The following THSD7B variants were observed in gnomAD, a reference collection of about 807,000 sequenced individuals.
THSD7B encodes thrombospondin type-1 domain-containing protein 7B.
In THSD7B, 138 loss-of-function variants were observed where a neutral mutation model predicts 213.6. That is an observed-to-expected ratio of 0.65 (90% CI 0.56 to 0.74). The LOEUF (loss-of-function observed/expected upper bound fraction) is 0.74, where lower values mean the gene tolerates loss of function less well. THSD7B is among the 30% of genes least tolerant of loss of function. The pLI, the probability that THSD7B is intolerant of heterozygous loss-of-function variation, is 0.00. For missense variants in THSD7B, 1,931 were observed against 1,991.5 expected, an observed-to-expected ratio of 0.97 and a Z score of 0.58; for synonymous variants, 742 against 687.0, an observed-to-expected ratio of 1.08 and a Z score of -1.25.
At position 137,315,725 on chromosome 2, in the gene THSD7B, G is replaced by A. The variant is rs181213995; in HGVS notation, c.2500+39699G>A. On this transcript the variant is annotated intron_variant, in intron 12 of 27. Coordinates refer to ENST00000409968, the MANE Select transcript of THSD7B (RefSeq NM_001316349.2). ...GTGTTTAGATGGAATATATTTAGGA[G>A]GGGAATTGCAGTAGAGATAGAGTGT... Among the ~76,000 whole-genome samples, 528 of 152,280 alleles carry A rather than the reference G, an allele frequency of 3.5e-3. 4 individuals are homozygous for A. Among genetic ancestry groups the A allele is most frequent in the African/African-American group, 0.012 (504 of 41,548 alleles).
At chr2:137,577,925 T>C (rs888135998) in intron 17 of THSD7B, among the ~76,000 whole-genome samples, 1 of 152,144 alleles carries the variant, frequency 6.6e-6, no homozygotes, top group African/African-American at 2.4e-5. Flanking sequence ...TTCAAGAGAA[T>C]TGGAGAGAGA....
chr2:136,978,996 T>C (rs187261035), intron 2 of THSD7B, among the ~76,000 whole-genome samples: 2 of 152,132 alleles, frequency 1.3e-5, no homozygotes, highest in African/African-American at 4.8e-5. Flanking sequence ...TGGTGATGAA[T>C]TCCCTTAGCA....
intron 5 of THSD7B, among the ~76,000 whole-genome samples, chr2:137,140,423 C>T (rs1679557883): frequency 6.6e-6 from 1 of 152,074 alleles, no homozygotes; most frequent in Admixed American, 6.6e-5. Context: ...GTTCAAATGT[C>T]AATATTTTAC....
intron 12 of THSD7B, among the ~76,000 whole-genome samples, chr2:137,322,555 C>A (rs1684284500): frequency 6.6e-6 from 1 of 152,172 alleles, no homozygotes; most frequent in African/African-American, 2.4e-5. Flanking sequence ...TCACCAAGCT[C>A]ATCTATCAAG....
At chr2:137,507,873 TACCCC>T (rs1679872626) in intron 15 of THSD7B, among the ~76,000 whole-genome samples, 3 of 152,182 alleles carry the variant, frequency 2.0e-5, no homozygotes, top group Admixed American at 6.5e-5. Flanking sequence ...CTAAAATAAT[TACCCC>T]AGTCAACAAA....
At chr2:137,034,800 T>C (rs1258534625) in intron 2 of THSD7B, among the ~76,000 whole-genome samples, 1 of 152,252 alleles carries the variant, frequency 6.6e-6, no homozygotes, top group Non-Finnish European at 1.5e-5. Context: ...TAGTATTCCA[T>C]GGTGTATATG....
At chr2:136,938,783 G>A (rs1459988209) in intron 2 of THSD7B, among the ~76,000 whole-genome samples, 1 of 152,134 alleles carries the variant, frequency 6.6e-6, no homozygotes, top group Non-Finnish European at 1.5e-5. Context: ...AATGGATGAT[G>A]CCCCCATTGT....
chr2:136,821,035 A>C (rs1031236510), intron 1 of THSD7B, among the ~76,000 whole-genome samples: 1 of 152,224 alleles, frequency 6.6e-6, no homozygotes, highest in Admixed American at 6.5e-5. Context: ...GAACCGTATA[A>C]AATTACTAAT....
At chr2:136,917,344 AATAGC>A (rs966823542) in intron 2 of THSD7B, among the ~76,000 whole-genome samples, 9 of 152,166 alleles carry the variant, frequency 5.9e-5, no homozygotes, top group African/African-American at 2.2e-4. Context: ...TAGCTTACAA[AATAGC>A]AGATTTTATT....
chr2:137,489,085 T>C (rs1688543245), intron 15 of THSD7B, among the ~76,000 whole-genome samples: 1 of 152,182 alleles, frequency 6.6e-6, no homozygotes, highest in Non-Finnish European at 1.5e-5. Context: ...TGCTAACAAA[T>C]AGAAATGACA....
At chr2:137,601,364 T>A (rs1049526099) in intron 17 of THSD7B, among the ~76,000 whole-genome samples, 13 of 152,234 alleles carry the variant, frequency 8.5e-5, no homozygotes, top group African/African-American at 2.7e-4. Context: ...ATTTTTTAAA[T>A]CTTTTATACC....
At chr2:137,139,059 C>G (rs989231551) in intron 5 of THSD7B, among the ~76,000 whole-genome samples, 1 of 152,122 alleles carries the variant, frequency 6.6e-6, no homozygotes, top group Admixed American at 6.6e-5. Flanking sequence ...ACTCAACATT[C>G]TGTTCTCCAG....
chr2:137,653,515 T>A (rs1044901155), intron 21 of THSD7B, among the ~76,000 whole-genome samples: 4 of 151,706 alleles, frequency 2.6e-5, no homozygotes, highest in South Asian at 2.1e-4. Flanking sequence ...GAATATGTTT[T>A]CGACGCTTTG....
intron 1 of THSD7B, among the ~76,000 whole-genome samples, chr2:136,794,492 G>T (rs1051814804): frequency 6.6e-6 from 1 of 151,516 alleles, no homozygotes; most frequent in Non-Finnish European, 1.5e-5. Context: ...TCAAAAAGTT[G>T]GTGGATTTTT....
intron 15 of THSD7B, among the ~76,000 whole-genome samples, chr2:137,534,748 CA>C (rs1339331021): frequency 6.6e-6 from 1 of 151,576 alleles, no homozygotes; most frequent in Non-Finnish European, 1.5e-5. Context: ...CTGAGTTTCT[CA>C]AAAAAGAAGC....
intron 3 of THSD7B, among the ~76,000 whole-genome samples, chr2:137,066,667 A>G (rs1193149905): frequency 6.6e-6 from 1 of 151,964 alleles, no homozygotes; most frequent in South Asian, 2.1e-4. Context: ...GTATGCTTGG[A>G]CGTGGATATT....
chr2:137,667,026 A>T (rs1380162156), intron 26 of THSD7B, among the ~76,000 whole-genome samples: 2 of 152,114 alleles, frequency 1.3e-5, no homozygotes, highest in Non-Finnish European at 2.9e-5. Flanking sequence ...TTGGAAGTAG[A>T]GCCACTAAAA....
chr2:137,188,328 CCTT>C (rs1312516636), intron 7 of THSD7B, among the ~76,000 whole-genome samples: 7 of 152,154 alleles, frequency 4.6e-5, no homozygotes, highest in African/African-American at 1.7e-4. Flanking sequence ...ACCAGTGCCA[CCTT>C]CTTCTTGTTC....
chr2:137,106,758 G>A (rs965488166), intron 4 of THSD7B, among the ~76,000 whole-genome samples: 1 of 152,198 alleles, frequency 6.6e-6, no homozygotes, highest in Non-Finnish European at 1.5e-5. Flanking sequence ...CTCAAAAGAA[G>A]ACATTTATGC....
Sources: allele counts gnomAD v4.1 joint callset (sites outside exome capture counted in the v4.1 genomes callset), GRCh38; gene constraint gnomAD v4.1.1; transcripts MANE v1.5; gene names NCBI Gene and HGNC (gene_info 2026-07-23, HGNC 2026-07-21).